The following TIAM1 variants were observed in gnomAD, a reference collection of about 807,000 sequenced individuals.
TIAM1 encodes the protein rho guanine nucleotide exchange factor TIAM1.
A neutral mutation model predicts 163.5 loss-of-function variants in TIAM1; 65 were observed. The ratio of observed to expected loss-of-function variants is 0.40; its 90% CI spans 0.33 to 0.49. TIAM1 has a LOEUF of 0.49. Ranked by LOEUF, TIAM1 falls within the 20% of genes least tolerant of loss-of-function variation. The probability of loss-of-function intolerance (pLI) is 0.77; values close to 1 mark genes in which losing one functional copy is unlikely to be tolerated. For synonymous variants in TIAM1, 833 were observed against 810.1 expected (o/e 1.03, Z -0.48); for missense variants, 1,789 against 2,044.7 (o/e 0.87, Z 2.41).
At chr21:31,125,426 C>G (rs1013219673) in intron 26 of TIAM1, among the ~76,000 whole-genome samples, 3 of 152,064 alleles carry the variant, frequency 2.0e-5, no homozygotes, top group African/African-American at 7.3e-5. Flanking sequence ...GGTGCTCAAA[C>G]CCCACGAGGT....
chr21:31,468,482 CAA>C (rs1028649328), intron 1 of TIAM1, among the ~76,000 whole-genome samples: 1 of 132,636 alleles, frequency 7.5e-6, no homozygotes. Flanking sequence ...GACTACCTCT[CAA>C]AAAAAAAAAA....
intron 19 of TIAM1, among the ~76,000 whole-genome samples, chr21:31,147,721 TAAAATATATAATATATA>T (rs1476069339): frequency 9.0e-5 from 13 of 143,900 alleles, no homozygotes; most frequent in Non-Finnish European, 1.5e-4. Flanking sequence ...ATATAATATA[TAAAATATATAATATATA>T]AAAATATATA....
intron 1 of TIAM1, among the ~76,000 whole-genome samples, chr21:31,489,376 G>A (rs1569377445): frequency 1.2e-5 from 1 of 84,864 alleles, no homozygotes; most frequent in Non-Finnish European, 2.3e-5. Flanking sequence ...GGGAGAGGAG[G>A]AGGAGGAGGA....
intron 10 of TIAM1, among the ~76,000 whole-genome samples, chr21:31,210,716 A>AAAAG (rs1569033756): frequency 2.7e-5 from 3 of 109,348 alleles, no homozygotes; most frequent in African/African-American, 1.1e-4. Flanking sequence ...AGAAAGAAAG[A>AAAAG]GAAAGAAAGA....
intron 1 of TIAM1, among the ~76,000 whole-genome samples, chr21:31,483,116 C>A (rs1339011703): frequency 6.6e-6 from 1 of 152,190 alleles, no homozygotes; most frequent in Non-Finnish European, 1.5e-5. Context: ...CTGGCTCCTT[C>A]CTGAAGTCCT....
intron 4 of TIAM1, among the ~76,000 whole-genome samples, chr21:31,252,599 A>G (rs1229189599): frequency 6.6e-6 from 1 of 152,162 alleles, no homozygotes; most frequent in East Asian, 1.9e-4. Flanking sequence ...CAGGCAGATG[A>G]GTTAATTGTT....
chr21:31,126,574 A>G (rs2082208209), intron 26 of TIAM1, among the ~76,000 whole-genome samples: 1 of 151,896 alleles, frequency 6.6e-6, no homozygotes, highest in African/African-American at 2.4e-5. Flanking sequence ...TTCAATAAAT[A>G]AATAAATAAA....
chr21:31,315,493 C>A (rs1159000468), intron 2 of TIAM1, among the ~76,000 whole-genome samples: 3 of 150,610 alleles, frequency 2.0e-5, no homozygotes, highest in Non-Finnish European at 4.4e-5. Flanking sequence ...CTAGCCTGGG[C>A]AACAGAGCAA....
At chr21:31,431,312 G>T (rs1176950479) in intron 2 of TIAM1, among the ~76,000 whole-genome samples, 1 of 152,084 alleles carries the variant, frequency 6.6e-6, no homozygotes, top group East Asian at 1.9e-4. Flanking sequence ...CCAGCTGTAG[G>T]GCTTGTTAAA....
intron 1 of TIAM1, among the ~76,000 whole-genome samples, chr21:31,540,894 C>A (rs532073404): frequency 6.6e-6 from 1 of 152,264 alleles, no homozygotes; most frequent in Non-Finnish European, 1.5e-5. Flanking sequence ...GTTCAATTAA[C>A]AGCAACAAAA....
At chr21:31,338,832 A>AC (rs944531693) in intron 2 of TIAM1, among the ~76,000 whole-genome samples, 1 of 152,142 alleles carries the variant, frequency 6.6e-6, no homozygotes, top group Non-Finnish European at 1.5e-5. Context: ...ATCAATGCTT[A>AC]CCCTGTCGCA....
chr21:31,351,857 C>G (rs1167341358), intron 2 of TIAM1, among the ~76,000 whole-genome samples: 1 of 152,082 alleles, frequency 6.6e-6, no homozygotes, highest in South Asian at 2.1e-4. Flanking sequence ...CACCTGAGGT[C>G]AGGAGTTCAA....
intron 15 of TIAM1, among the ~76,000 whole-genome samples, chr21:31,167,082 G>A (rs2084261164): frequency 6.7e-6 from 1 of 148,308 alleles, no homozygotes; most frequent in Non-Finnish European, 1.5e-5. Flanking sequence ...CAAATAAAAG[G>A]ATTTCCTTTT....
At chr21:31,184,793 A>C (rs891242094) in intron 14 of TIAM1, among the ~76,000 whole-genome samples, 1 of 152,170 alleles carries the variant, frequency 6.6e-6, no homozygotes, top group African/African-American at 2.4e-5. Flanking sequence ...ATGGCCTAGA[A>C]AGTATAGAAG....
At chr21:31,190,036 T>C (rs964434491) in intron 13 of TIAM1, among the ~76,000 whole-genome samples, 1 of 152,168 alleles carries the variant, frequency 6.6e-6, no homozygotes, top group African/African-American at 2.4e-5. Context: ...GGCTGTTAGC[T>C]TCAAATACAG....
intron 2 of TIAM1, among the ~76,000 whole-genome samples, chr21:31,426,472 G>T (rs1324678606): frequency 6.6e-6 from 1 of 152,130 alleles, no homozygotes; most frequent in Admixed American, 6.5e-5. Context: ...GTTAAAATCA[G>T]GCCAGTGGAT....
chr21:31,464,878 C>T, intron 1 of TIAM1, among the ~76,000 whole-genome samples: 1 of 148,242 alleles, frequency 6.7e-6, no homozygotes, highest in Non-Finnish European at 1.5e-5. Flanking sequence ...GATGCGGTGG[C>T]TCACACCTGT....
chr21:31,285,339 A>C (rs529652960), intron 2 of TIAM1, among the ~76,000 whole-genome samples: 1 of 152,146 alleles, frequency 6.6e-6, no homozygotes, highest in Non-Finnish European at 1.5e-5. Flanking sequence ...AAGGGCTGGG[A>C]CTGCCTGCAT....
At chr21:31,319,465 A>T (rs930135779) in intron 2 of TIAM1, among the ~76,000 whole-genome samples, 1 of 152,056 alleles carries the variant, frequency 6.6e-6, no homozygotes, top group Non-Finnish European at 1.5e-5. Context: ...CCAATACTTT[A>T]TTATTTTCCA....
Sources: allele counts gnomAD v4.1 joint callset (sites outside exome capture counted in the v4.1 genomes callset), GRCh38; gene constraint gnomAD v4.1.1; transcripts MANE v1.5; gene names NCBI Gene and HGNC (gene_info 2026-07-23, HGNC 2026-07-21).